GAPVD1: variants seen among roughly 807,000 people sequenced by gnomAD.
GAPVD1 encodes GTPase-activating protein and VPS9 domain-containing protein 1.
In GAPVD1, 35 loss-of-function variants were observed where a neutral mutation model predicts 155.5. The observed-to-expected ratio is 0.23, with a 90% CI of 0.17 to 0.30. GAPVD1 has a LOEUF of 0.30. GAPVD1 is among the 10% of genes least tolerant of loss of function. GAPVD1 has a pLI of 1.00. For missense variants in GAPVD1, 1,429 were observed against 1,775.7 expected (o/e 0.80, Z 3.51); for synonymous variants, 636 against 619.7 (o/e 1.03, Z -0.39).
intron 2 of GAPVD1, among the ~76,000 whole-genome samples, chr9:125,290,135 C>T (rs934079094): frequency 4.6e-5 from 7 of 151,778 alleles, no homozygotes; most frequent in African/African-American, 1.5e-4. Flanking sequence ...CTGATGAGTG[C>T]GGGTTTAGGA....
At chr9:125,293,255 A>G (rs1838885242) in intron 2 of GAPVD1, among the ~76,000 whole-genome samples, 1 of 151,958 alleles carries the variant, frequency 6.6e-6, no homozygotes, top group Admixed American at 6.6e-5. Context: ...ATGCTCTAGG[A>G]TATGTTTGAA....
chr9:125,330,163 C>G lies in GAPVD1; in HGVS notation c.2118C>G (p.Thr706=), dbSNP rs768850039. 1.9e-6 allele frequency: 3 copies of G among 1,612,254 alleles called. No individual in the cohort carries two copies. Among genetic ancestry groups the G allele is most frequent in the Non-Finnish European group, 2.5e-6 (3 of 1,178,474 alleles). ...TTCTTGACCCCTGCACTGGTTCTAC[C>G]ATATCAGAGACAACAAGTGAAGCTT... ...SVLLDPCTGS[T]ISETTSEAWS... is the part of the protein sequence containing the mutation. Residue 706 remains threonine (T), a synonymous_variant, in exon 13 of 28, where the codon ACC becomes ACG. Transcript: ENST00000297933.
chr9:125,337,245 AG>A lies in GAPVD1; in HGVS notation c.2533del (p.Val845PhefsTer35). On this transcript the variant is annotated frameshift_variant, in exon 17 of 28. Transcript: ENST00000297933. LOFTEE classifies it high-confidence loss of function. ...GGGGCTTCTGCTGTGGTAAGGCCAA[AG>A]GTTCACTATGCTAGGCCATCGCATC... The part of the protein sequence containing the change: ...HEGASAVVRP[K>X]VHYARPSHPP... 6.2e-7 allele frequency: 1 copy of A among 1,614,138 alleles called. No individual in the cohort carries two copies. The highest frequency in any genetic ancestry group is 8.5e-7 in the Non-Finnish European group (1 of 1,179,990).
chr9:125,303,512 T>C (rs1239566597), intron 5 of GAPVD1, among the ~76,000 whole-genome samples: 3 of 149,214 alleles, frequency 2.0e-5, no homozygotes, highest in Non-Finnish European at 4.4e-5. Flanking sequence ...TGCGGTGGCT[T>C]ACGCCTGTAA....
At position 125,307,406 on chromosome 9, in the gene GAPVD1, T is replaced by G; in HGVS notation, c.1117-7T>G. The stretch of plus-strand genomic sequence containing the variant: ...AATGTTTCACTGTTTTTTTCCTGTT[T>G]TAACAGAGCTGTGTTGCCGCTTTCC... On this transcript the variant is annotated splice_region_variant and splice_polypyrimidine_tract_variant and intron_variant, in intron 6 of 27. Coordinates refer to ENST00000297933, the MANE Select transcript of GAPVD1 (RefSeq NM_001282680.3). 4 of 1,579,992 alleles carry G rather than the reference T, an allele frequency of 2.5e-6. No individual in the cohort carries two copies. The highest frequency in any genetic ancestry group is 3.4e-6 in the Non-Finnish European group (4 of 1,163,886).
chr9:125,301,403 G>C (rs1840831764), intron 4 of GAPVD1, among the ~76,000 whole-genome samples: 2 of 151,870 alleles, frequency 1.3e-5, no homozygotes, highest in South Asian at 4.2e-4. Flanking sequence ...TAAGAGGGCA[G>C]CTCTGGACAG....
intron 2 of GAPVD1, among the ~76,000 whole-genome samples, chr9:125,285,455 T>TTG (rs1170607203): frequency 2.8e-5 from 4 of 141,410 alleles, no homozygotes; most frequent in Non-Finnish European, 6.2e-5. Context: ...TTTTCTTTGT[T>TTG]TTTTTTTTTT....
chr9:125,321,662 T>G (rs1418349998), intron 10 of GAPVD1, 100 bp downstream of exon 10: 2 of 1,070,292 alleles, frequency 1.9e-6, no homozygotes, highest in Non-Finnish European at 2.7e-6. Context: ...CATCTGTGCT[T>G]CTCACTGAGG....
intron 9 of GAPVD1, among the ~76,000 whole-genome samples, chr9:125,313,471 T>C (rs1588880672): frequency 1.3e-5 from 2 of 151,678 alleles, no homozygotes; most frequent in Middle Eastern, 6.9e-3. Context: ...GCTCGGCTAA[T>C]TTTTTGTATT....
chr9:125,317,459 C>G (rs1242834865), intron 9 of GAPVD1, among the ~76,000 whole-genome samples: 1 of 151,432 alleles, frequency 6.6e-6, no homozygotes, highest in Admixed American at 6.6e-5. Context: ...AACCCTGTCT[C>G]TACTAAAAAT....
intron 15 of GAPVD1, among the ~76,000 whole-genome samples, chr9:125,333,234 C>A (rs1192429571): frequency 1.3e-5 from 2 of 151,934 alleles, no homozygotes; most frequent in Non-Finnish European, 2.9e-5. Flanking sequence ...GCACCCACCA[C>A]CACGCCCAGC....
intron 26 of GAPVD1, chr9:125,359,957 T>G (rs1850675955): frequency 6.4e-6 from 1 of 155,502 alleles, no homozygotes; most frequent in South Asian, 2.0e-4. Flanking sequence ...ACATGAAAAT[T>G]TCAGGTATTT....
intron 10 of GAPVD1, among the ~76,000 whole-genome samples, chr9:125,322,342 G>T (rs1844450800): frequency 6.6e-6 from 1 of 152,212 alleles, no homozygotes; most frequent in South Asian, 2.1e-4. Flanking sequence ...GGGATTACAG[G>T]CGTGAGCCAC....
intron 1 of GAPVD1, among the ~76,000 whole-genome samples, chr9:125,267,176 T>G (rs1188313562): frequency 6.6e-6 from 1 of 152,242 alleles, no homozygotes; most frequent in Non-Finnish European, 1.5e-5. Context: ...GATTTGCTGT[T>G]AACATTTTGC....
intron 2 of GAPVD1, among the ~76,000 whole-genome samples, chr9:125,285,021 CTG>C (rs371051278): frequency 4.5e-4 from 68 of 152,304 alleles, no homozygotes; most frequent in African/African-American, 1.6e-3. Context: ...TGCCTCCTCT[CTG>C]TGCTTTGCGT....
chr9:125,337,368 A>G lies in GAPVD1; in HGVS notation c.2654A>G (p.Glu885Gly). ...GSHVLTPAEM[E>G]AFKQRHSYPE... ...CATGTTTTAACTCCAGCTGAAATGG[A>G]GGCATTCAAGCAAAGGCATTCTTAC... Residue 885 changes from glutamate (E) to glycine (G), a missense_variant, in exon 17 of 28, where the codon GAG becomes GGG. By Grantham distance (98) the Glu-to-Gly change is moderately conservative. This residue lies in a region of GAPVD1 where 699 missense variants were observed against 826.0 expected (regional missense o/e 0.85). Coordinates refer to ENST00000297933, the MANE Select transcript of GAPVD1 (RefSeq NM_001282680.3). 1 of 1,614,156 alleles carries G rather than the reference A, an allele frequency of 6.2e-7. No homozygotes were observed. Among genetic ancestry groups the G allele is most frequent in the Non-Finnish European group, 8.5e-7 (1 of 1,179,988 alleles).
Position 125,364,041 on chromosome 9 carries a change from C to T in GAPVD1, c.*1295C>T, listed in dbSNP as rs1309595476. The T allele has an allele frequency of 2.0e-5, 3 of 152,452 alleles. No individual in the cohort carries two copies. The highest frequency in any genetic ancestry group is 6.6e-5 in the Admixed American group (1 of 15,238). 9.4% of individuals were successfully genotyped at this position (152,452 alleles called of 1,614,324 possible). On this transcript the variant is annotated 3_prime_UTR_variant, in exon 28 of 28. Coordinates refer to ENST00000297933, the MANE Select transcript of GAPVD1 (RefSeq NM_001282680.3). ...CTGTCTGGTTTCACTTCGTGTGTTTCCTAAACACATTTAGCTGCTTTTTTA... is the reference window on the plus strand; with the variant it reads ...CTGTCTGGTTTCACTTCGTGTGTTTTCTAAACACATTTAGCTGCTTTTTTA...
chr9:125,305,098 C>T lies in GAPVD1; in HGVS notation c.1065C>T (p.Gly355=), dbSNP rs367549868. Residue 355 remains glycine (G), a synonymous_variant, in exon 6 of 28, where the codon GGC becomes GGT. Transcript: ENST00000297933. ...GRLLQQLAMT[G]SEEGDPRTKS... ...TTTTGCAGCAGTTAGCAATGACTGG[C>T]TCTGAAGAGGGAGATCCCCGAACAA... 1 of 1,613,988 alleles carries T rather than the reference C, an allele frequency of 6.2e-7. No individual in the cohort carries two copies. The highest frequency in any genetic ancestry group is 1.3e-5 in the African/African-American group (1 of 75,034).
At chr9:125,340,551 C>A (rs1325486758) in intron 17 of GAPVD1, among the ~76,000 whole-genome samples, 3 of 152,086 alleles carry the variant, frequency 2.0e-5, no homozygotes, top group Admixed American at 6.5e-5. Context: ...TTATACATAT[C>A]CTTACTATGC....
Sources: allele counts gnomAD v4.1 joint callset (sites outside exome capture counted in the v4.1 genomes callset), GRCh38; gene constraint gnomAD v4.1.1; regional missense constraint gnomAD v4.1.1; transcripts MANE v1.5; gene names NCBI Gene and HGNC (gene_info 2026-07-23, HGNC 2026-07-21).